The following COPB1 variants were observed in gnomAD, a reference collection of about 807,000 sequenced individuals.
COPB1 encodes coatomer subunit beta.
A neutral mutation model predicts 108.7 loss-of-function variants in COPB1; 21 were observed. The ratio of observed to expected loss-of-function variants is 0.19; its 90% confidence interval spans 0.14 to 0.28. COPB1 has a LOEUF of 0.28. Among genes scored for constraint, COPB1 ranks in the 10% least tolerant of loss-of-function variants. The probability of loss-of-function intolerance (pLI) is 1.00; values close to 1 mark genes in which losing one functional copy is unlikely to be tolerated. For missense variants in COPB1, 919 were observed against 1,141.3 expected (o/e 0.81, Z 2.81); for synonymous variants, 378 against 386.8 (o/e 0.98, Z 0.27).
intron 11 of COPB1, among the ~76,000 whole-genome samples, chr11:14,477,435 T>C (rs1203775589): frequency 6.9e-6 from 1 of 145,598 alleles, no homozygotes; most frequent in Non-Finnish European, 1.5e-5. Context: ...CTCACGCCTG[T>C]AATCCTAGCA....
At chr11:14,458,025 C>A in intron 21 of COPB1, 142 bp from the exon 22 acceptor site, 1 of 397,166 alleles carries the variant, frequency 2.5e-6, no homozygotes, top group Non-Finnish European at 4.5e-6. Context: ...ACTTACCAAA[C>A]TTTACTGGTA....
intron 14 of COPB1, among the ~76,000 whole-genome samples, chr11:14,473,702 A>T (rs548362206): frequency 2.6e-5 from 4 of 152,216 alleles, no homozygotes; most frequent in Non-Finnish European, 5.9e-5. Context: ...TAACAGATGT[A>T]ATAATAATGA....
chr11:14,482,390 TCA>T (rs1467612347), intron 8 of COPB1, among the ~76,000 whole-genome samples: 1 of 152,202 alleles, frequency 6.6e-6, no homozygotes, highest in African/African-American at 2.4e-5. Context: ...TAGAATCAGA[TCA>T]CCTTTTATTC....
At chr11:14,493,384 G>C (rs1386691040) in intron 4 of COPB1, among the ~76,000 whole-genome samples, 4 of 152,170 alleles carry the variant, frequency 2.6e-5, no homozygotes, top group African/African-American at 9.7e-5. Context: ...GACAAGCACT[G>C]TCATAAACTG....
intron 18 of COPB1, among the ~76,000 whole-genome samples, chr11:14,463,054 CA>C (rs1365191363): frequency 2.0e-5 from 3 of 152,196 alleles, no homozygotes; most frequent in African/African-American, 7.2e-5. Context: ...TAGCCAAATC[CA>C]AAAGACCTCT....
chr11:14,482,596 A>G (rs1023910222), intron 8 of COPB1, among the ~76,000 whole-genome samples: 40 of 152,024 alleles, frequency 2.6e-4, no homozygotes, highest in African/African-American at 9.7e-4. Context: ...GTGCAGTGGC[A>G]CGATCTCAGC....
intron 4 of COPB1, 107 bp from the exon 5 acceptor site, chr11:14,490,786 C>G: frequency 1.6e-6 from 1 of 614,890 alleles, no homozygotes; most frequent in Non-Finnish European, 2.7e-6. Context: ...TTACAACATA[C>G]TTTTGCTTTT....
intron 7 of COPB1, among the ~76,000 whole-genome samples, chr11:14,483,790 T>C (rs1192337535): frequency 1.3e-5 from 2 of 152,022 alleles, no homozygotes; most frequent in African/African-American, 4.8e-5. Context: ...ATGAGAGAAA[T>C]AGAAAACCAC....
chr11:14,490,273 A>G (rs1051154330), intron 5 of COPB1, among the ~76,000 whole-genome samples: 7 of 152,232 alleles, frequency 4.6e-5, no homozygotes, highest in Non-Finnish European at 8.8e-5. Flanking sequence ...TTTTAGATCT[A>G]TACCATCATA....
chr11:14,477,166 G>A (rs895638134), intron 11 of COPB1, 151 bp from the exon 12 acceptor site: 11 of 555,232 alleles, frequency 2.0e-5, no homozygotes, highest in African/African-American at 7.9e-5. Flanking sequence ...GGCGGATCAC[G>A]AGGTCAGGAG....
chr11:14,498,786 A>G (rs1316648013), intron 2 of COPB1, 52 bp downstream of exon 2: 2 of 1,422,808 alleles, frequency 1.4e-6, no homozygotes, highest in Non-Finnish European at 9.5e-7. Flanking sequence ...TGAGTTTTTT[A>G]TTTTTGTTTT....
chr11:14,486,473 C>T lies in COPB1; in HGVS notation c.731G>A (p.Arg244His), dbSNP rs776682426. The T allele has an allele frequency of 3.7e-6, 6 of 1,613,958 alleles. No homozygotes were observed. The highest frequency in any genetic ancestry group is 2.2e-5 in the East Asian group (1 of 44,868). ...TAAGTTATAGATGCAGCGAATAAAACGAGCTCTTTCTGATGGATTAGCATG... is the reference window on the plus strand; with the variant it reads ...TAAGTTATAGATGCAGCGAATAAAATGAGCTCTTTCTGATGGATTAGCATG... ...VCHANPSERARFIRCIYNLLQ... is the reference protein window; with the variant it reads ...VCHANPSERAHFIRCIYNLLQ... Residue 244 changes from arginine to histidine, a missense_variant, in exon 7 of 22, where the codon CGT becomes CAT. Coordinates refer to ENST00000439561, the MANE Select transcript of COPB1 (RefSeq NM_001144061.2).
intron 4 of COPB1, among the ~76,000 whole-genome samples, chr11:14,493,147 A>C (rs1283558796): frequency 6.6e-6 from 1 of 152,190 alleles, no homozygotes; most frequent in African/African-American, 2.4e-5. Flanking sequence ...ACTCCATCTC[A>C]AAACAAAACA....
At chr11:14,461,352 A>G in intron 18 of COPB1, 21 bp from the exon 19 acceptor site, 1 of 1,605,666 alleles carries the variant, frequency 6.2e-7, no homozygotes, top group Non-Finnish European at 8.5e-7. Context: ...ATATACAAAA[A>G]GATTCGCAAT....
chr11:14,466,509 AG>A, intron 16 of COPB1, 83 bp from the exon 17 acceptor site: 1 of 1,408,738 alleles, frequency 7.1e-7, no homozygotes, highest in Non-Finnish European at 9.6e-7. Context: ...TAAGTCTGGT[AG>A]GTTATTAACA....
intron 5 of COPB1, among the ~76,000 whole-genome samples, chr11:14,489,337 A>G (rs1850844431): frequency 6.6e-6 from 1 of 152,222 alleles, no homozygotes; most frequent in Non-Finnish European, 1.5e-5. Flanking sequence ...ATAATTAAAA[A>G]CAGAATTGCT....
chr11:14,487,191 A>AT (rs1850792146), intron 6 of COPB1, among the ~76,000 whole-genome samples: 1 of 152,024 alleles, frequency 6.6e-6, no homozygotes, highest in Admixed American at 6.6e-5. Context: ...AATATCCCTT[A>AT]TTTTTTCTCT....
In COPB1 at chr11:14,457,778, C is replaced by T. The variant is rs754013176; in HGVS notation, c.*46G>A. On this transcript the variant is annotated 3_prime_UTR_variant, in exon 22 of 22. Transcript: ENST00000439561. ...CAAAAGATGTTGGAGTCCAGTAAGC[C>T]CATACCTAAATTAACTGTAAAGCTT... 23 of 1,212,540 alleles carry T rather than the reference C, an allele frequency of 1.9e-5. No homozygotes were observed. The highest frequency in any genetic ancestry group is 2.7e-5 in the Non-Finnish European group (22 of 818,044). The allele number at this position is 1,212,540 out of a possible 1,614,324, so 75.1% of individuals were successfully genotyped here.
At chr11:14,460,006 C>A in intron 20 of COPB1, 1 of 441,020 alleles carries the variant, frequency 2.3e-6, no homozygotes, top group South Asian at 5.2e-5. Flanking sequence ...TCAGTTGGGT[C>A]ACTGCACTAG....
Sources: allele counts gnomAD v4.1 joint callset (sites outside exome capture counted in the v4.1 genomes callset), GRCh38; gene constraint gnomAD v4.1.1; transcripts MANE v1.5; gene names NCBI Gene and HGNC (gene_info 2026-07-23, HGNC 2026-07-21).